The following SCAF8 variants were observed in gnomAD, a reference collection of about 807,000 sequenced individuals.
SCAF8 encodes SR-related CTD associated factor 8, also known as SR-related and CTD-associated factor 8.
In SCAF8, 23 loss-of-function variants were observed where a neutral mutation model predicts 140.5. The ratio of observed to expected loss-of-function variants is 0.16; its 90% confidence interval spans 0.12 to 0.23. The LOEUF is 0.23. Ranked by LOEUF, SCAF8 falls within the 10% of genes least tolerant of loss-of-function variation. SCAF8 has a pLI of 1.00. For synonymous variants in SCAF8, 575 were observed against 528.9 expected, an observed-to-expected ratio of 1.09 and a Z score of -1.20; for missense variants, 1,397 against 1,555.7, an observed-to-expected ratio of 0.90 and a Z score of 1.72.
chr6:154,791,743 G>A (rs1301045532), intron 4 of SCAF8, among the ~76,000 whole-genome samples: 1 of 152,128 alleles, frequency 6.6e-6, no homozygotes, highest in Non-Finnish European at 1.5e-5. Context: ...GCTGCCATAT[G>A]ACTGACTGGA....
intron 1 of SCAF8, among the ~76,000 whole-genome samples, chr6:154,735,836 C>G (rs1445020952): frequency 2.7e-5 from 4 of 150,852 alleles, no homozygotes; most frequent in Admixed American, 1.3e-4. Flanking sequence ...TCATAGCTAT[C>G]TTTCTTTTTT....
intron 1 of SCAF8, among the ~76,000 whole-genome samples, chr6:154,750,954 T>C (rs187357770): frequency 1.9e-4 from 29 of 152,370 alleles, no homozygotes; most frequent in Admixed American, 1.8e-3. Context: ...TTTTGATGTT[T>C]ACAAAAGACA....
At chr6:154,757,786 A>G (rs1465390695) in intron 1 of SCAF8, among the ~76,000 whole-genome samples, 15 of 152,092 alleles carry the variant, frequency 9.9e-5, no homozygotes, top group Non-Finnish European at 2.1e-4. Context: ...CCTCTGGATG[A>G]TTATAACTGC....
chr6:154,780,960 A>G (rs763833474), intron 3 of SCAF8, among the ~76,000 whole-genome samples: 2 of 152,048 alleles, frequency 1.3e-5, no homozygotes, highest in African/African-American at 2.4e-5. Flanking sequence ...TGTCTTCCAC[A>G]ATGGTTTAAC....
At chr6:154,808,224 G>A (rs776999700) in intron 10 of SCAF8, 23 bp downstream of exon 10, 8 of 1,604,676 alleles carry the variant, frequency 5.0e-6, no homozygotes, top group Admixed American at 3.4e-5. Context: ...GTTTTTCTGG[G>A]TCATAAATTT....
At chr6:154,801,882 ATTAATT>A in intron 6 of SCAF8, 83 bp from the exon 7 acceptor site, 2 of 872,554 alleles carry the variant, frequency 2.3e-6, no homozygotes, top group South Asian at 1.9e-5. Flanking sequence ...GTGTGGAATG[ATTAATT>A]TTACTGACTA....
At chr6:154,827,039 G>GA (rs1778586608) in intron 17 of SCAF8, 133 bp from the exon 18 acceptor site, 1 of 710,026 alleles carries the variant, frequency 1.4e-6, no homozygotes, top group Admixed American at 3.5e-5. Flanking sequence ...TTCTAAAATA[G>GA]AAAAAATATA....
chr6:154,787,840 C>T, intron 3 of SCAF8, 21 bp from the exon 4 acceptor site: 2 of 1,572,206 alleles, frequency 1.3e-6, no homozygotes, highest in Non-Finnish European at 1.7e-6. Context: ...CTTTCCTTTT[C>T]ATTCTTCTTT....
intron 1 of SCAF8, among the ~76,000 whole-genome samples, chr6:154,770,408 T>A (rs1175182051): frequency 1.3e-5 from 2 of 149,752 alleles, no homozygotes; most frequent in African/African-American, 5.0e-5. Context: ...TCTCTCTCTC[T>A]CTCTCTCTCT....
At chr6:154,797,469 C>G (rs559126507) in intron 6 of SCAF8, among the ~76,000 whole-genome samples, 1 of 151,316 alleles carries the variant, frequency 6.6e-6, no homozygotes, top group Non-Finnish European at 1.5e-5. Flanking sequence ...AATCTTGGCT[C>G]ACTGCAACCT....
At chr6:154,734,232 C>T (rs575238632) in intron 1 of SCAF8, among the ~76,000 whole-genome samples, 52 of 152,338 alleles carry the variant, frequency 3.4e-4, no homozygotes, top group African/African-American at 1.1e-3. Context: ...AGACTCCCGA[C>T]AGGTCCCTCG....
Position 154,734,056 on chromosome 6 carries a change from A to G in SCAF8, c.30+126A>G, listed in dbSNP as rs536937206. 5.3e-4 allele frequency: 712 copies of G among 1,345,518 alleles called. No homozygotes were observed. The African/African-American group carries it at 9.9e-3, about 19-fold the overall frequency. The allele number at this position is 1,345,518 out of a possible 1,614,324, so 83.3% of individuals were successfully genotyped here. A position where few individuals can be genotyped will look rare whatever the true frequency, so the allele number is the denominator to read the frequency against. On this transcript the variant is annotated intron_variant, in intron 1 of 19. Coordinates refer to ENST00000367178, the MANE Select transcript of SCAF8 (RefSeq NM_014892.5). ...AGGGTGGGGTGAGCGGTGGCCTAGC[A>G]GTGCCCGTGGGGGAGGGGTGTTTCT...
At chr6:154,756,066 C>G (rs1778959168) in intron 1 of SCAF8, among the ~76,000 whole-genome samples, 1 of 152,124 alleles carries the variant, frequency 6.6e-6, no homozygotes, top group African/African-American at 2.4e-5. Context: ...ATGTTTATTT[C>G]ACTTATACAT....
Position 154,833,043 on chromosome 6 carries a change from C to T in SCAF8, c.3464C>T (p.Pro1155Leu), listed in dbSNP as rs1299596222. ...AGAGATTTTGATGACCGCAGAAGACCCTGGGAGAGGCAAAGGGATAGGGAT... is the reference window on the plus strand; with the variant it reads ...AGAGATTTTGATGACCGCAGAAGACTCTGGGAGAGGCAAAGGGATAGGGAT... ...VHRDFDDRRR[P>L]WERQRDRDDR... The change falls in exon 20 of 20, where the codon CCC (proline) becomes CTC (leucine). Residue 1155 changes from proline (P) to leucine (L), a missense_variant. Physicochemically the swap from Pro to Leu is moderately conservative, Grantham distance 98. Transcript: ENST00000367178. 3.7e-6 allele frequency: 6 copies of T among 1,613,894 alleles called. No individual in the cohort carries two copies. Among genetic ancestry groups the T allele is most frequent in the Non-Finnish European group, 5.1e-6 (6 of 1,180,002 alleles).
intron 1 of SCAF8, among the ~76,000 whole-genome samples, chr6:154,740,046 C>G (rs1778527676): frequency 6.6e-6 from 1 of 152,106 alleles, no homozygotes. Context: ...TTCCTATTAT[C>G]ATTTTCTAGA....
At chr6:154,804,354 A>G (rs1053300625) in intron 8 of SCAF8, among the ~76,000 whole-genome samples, 2 of 152,206 alleles carry the variant, frequency 1.3e-5, no homozygotes, top group African/African-American at 4.8e-5. Flanking sequence ...TTTAAAAACT[A>G]GTATTTTAGA....
rs775295404 is a variant in SCAF8, at chr6:154,824,299, G to A, written c.1992G>A (p.Pro664=). 15 of 1,613,778 alleles carry A rather than the reference G, an allele frequency of 9.3e-6. No individual in the cohort carries two copies. Among genetic ancestry groups the A allele is most frequent in the East Asian group, 2.2e-5 (1 of 44,886 alleles). Residue 664 remains proline (P), a synonymous_variant, in exon 17 of 20, where the codon CCG becomes CCA. Coordinates refer to ENST00000367178, the MANE Select transcript of SCAF8 (RefSeq NM_014892.5). Reference sequence around the variant, plus strand: ...CACCAGCATTTCCTGTGTCGATGCCGGTTCCTCCTCCTGGATTCAGTCCAA... The same window carrying A: ...CACCAGCATTTCCTGTGTCGATGCCAGTTCCTCCTCCTGGATTCAGTCCAA... The part of the protein sequence containing the change: ...LVPPAFPVSM[P]VPPPGFSPIP...
intron 3 of SCAF8, among the ~76,000 whole-genome samples, chr6:154,778,582 T>C (rs1034609186): frequency 6.6e-6 from 1 of 152,064 alleles, no homozygotes; most frequent in Non-Finnish European, 1.5e-5. Context: ...CTGACCAAGA[T>C]GACAAAACTG....
intron 16 of SCAF8, 41 bp downstream of exon 16, chr6:154,822,450 T>C (rs1377098482): frequency 1.3e-6 from 2 of 1,563,536 alleles, no homozygotes; most frequent in African/African-American, 1.4e-5. Flanking sequence ...TGTGTTGTTT[T>C]ACATTTCTGT....
Sources: gnomAD v4.1 joint callset for allele counts (sites outside exome capture counted in the v4.1 genomes callset) on GRCh38, gnomAD v4.1.1 for gene constraint, MANE v1.5 for transcripts, NCBI Gene and HGNC (gene_info 2026-07-23, HGNC 2026-07-21) for gene names.